FNDC1: variants seen among roughly 807,000 people sequenced by gnomAD.
FNDC1 encodes fibronectin type III domain containing 1.
In FNDC1, 96 loss-of-function variants were observed where a neutral mutation model predicts 168.0. The ratio of observed to expected loss-of-function variants is 0.57; its 90% confidence interval spans 0.48 to 0.68. The LOEUF (loss-of-function observed/expected upper bound fraction) is 0.68. FNDC1 is among the 30% of genes least tolerant of loss of function. The pLI is 0.00. For missense variants in FNDC1, 2,587 were observed against 2,482.1 expected, an observed-to-expected ratio of 1.04 and a Z score of -0.90; for synonymous variants, 1,099 against 1,025.9, an observed-to-expected ratio of 1.07 and a Z score of -1.36.
At chr6:159,219,129 C>T (rs1466984995) in intron 5 of FNDC1, among the ~76,000 whole-genome samples, 1 of 152,036 alleles carries the variant, frequency 6.6e-6, no homozygotes, top group Non-Finnish European at 1.5e-5. Context: ...CAACCTCCCC[C>T]TCCCGGGTTT....
chr6:159,176,225 C>T (rs898274268), intron 1 of FNDC1, among the ~76,000 whole-genome samples: 3 of 152,110 alleles, frequency 2.0e-5, no homozygotes, highest in Non-Finnish European at 4.4e-5. Flanking sequence ...TTGTGAAGGG[C>T]CCCCCAGCTC....
chr6:159,256,606 A>G lies in FNDC1; in HGVS notation c.5149A>G (p.Ile1717Val), dbSNP rs1448534928. The change falls in exon 18 of 23, where the codon ATT becomes GTT. Residue 1717 changes from isoleucine to valine, a missense_variant. By Grantham distance (29) the Ile-to-Val change is conservative. Coordinates refer to ENST00000297267, the MANE Select transcript of FNDC1 (RefSeq NM_032532.3). The part of the protein sequence containing the change: ...TQASSVTHLP[I>V]ENLKPNTRYY... The stretch of plus-strand genomic sequence containing the variant: ...AGCTTCATCAGTAACTCACTTGCCC[A>G]TTGAGAACCTAAAGCCCAACACGAG... The G allele has an allele frequency of 1.2e-6, 2 of 1,613,696 alleles. No homozygotes were observed. Among genetic ancestry groups the G allele is most frequent in the Non-Finnish European group, 1.7e-6 (2 of 1,179,610 alleles).
intron 1 of FNDC1, among the ~76,000 whole-genome samples, chr6:159,185,905 A>G (rs1185038905): frequency 5.9e-5 from 9 of 152,220 alleles, no homozygotes; most frequent in Non-Finnish European, 1.3e-4. Flanking sequence ...GCCAATCCAT[A>G]GTGTCTATGG....
intron 21 of FNDC1, among the ~76,000 whole-genome samples, 158 bp from the exon 22 acceptor site, chr6:159,267,646 G>T (rs1777617525): frequency 6.6e-6 from 1 of 151,970 alleles, no homozygotes; most frequent in South Asian, 2.1e-4. Context: ...TTATGAGATT[G>T]GTGCCATTAT....
At chr6:159,265,251 A>G (rs1777565526) in intron 20 of FNDC1, among the ~76,000 whole-genome samples, 1 of 152,242 alleles carries the variant, frequency 6.6e-6, no homozygotes, top group Non-Finnish European at 1.5e-5. Flanking sequence ...AGCCAGTCCT[A>G]TGAAACAGAT....
chr6:159,200,652 C>T lies in FNDC1; in HGVS notation c.460+71C>T, dbSNP rs150926989. The T allele has an allele frequency of 2.6e-5, 32 of 1,229,700 alleles. No individual in the cohort carries two copies. In the Admixed American group the frequency reaches 4.2e-4, roughly 16 times the overall value. The allele number at this position is 1,229,700 out of a possible 1,614,324, so 76.2% of individuals were successfully genotyped here. On this transcript the variant is annotated intron_variant, in intron 4 of 22. Transcript: ENST00000297267. ...TCGTCTCGCAAGAGAGTTGTGCTTC[C>T]GTCACACACATGTGCTCACAAACCT...
chr6:159,225,953 C>T (rs1269647461), intron 8 of FNDC1, among the ~76,000 whole-genome samples: 2 of 152,098 alleles, frequency 1.3e-5, no homozygotes, highest in African/African-American at 4.8e-5. Flanking sequence ...GCATGTTGTT[C>T]ATGTTGTTCT....
chr6:159,213,684 T>C (rs902709460), intron 4 of FNDC1, among the ~76,000 whole-genome samples: 1 of 143,624 alleles, frequency 7.0e-6, no homozygotes, highest in African/African-American at 2.8e-5. Context: ...TACTGGACTA[T>C]ACTTTTGGAC....
chr6:159,223,104 T>C (rs994009157), intron 6 of FNDC1, among the ~76,000 whole-genome samples: 1 of 149,022 alleles, frequency 6.7e-6, no homozygotes. Context: ...CACACCATTC[T>C]CCTGCCTCAG....
Position 159,239,832 on chromosome 6 carries a change from C to A in FNDC1, c.4496C>A (p.Thr1499Asn). ...GTCCGAACCACTACGCGGACAACCA[C>A]CACCACCACCCCCACACCCACCACT... ...TTVRTTTRTT[T>N]TTTPTPTTPI... Residue 1499 changes from threonine (T) to asparagine (N), a missense_variant, in exon 14 of 23, where the codon ACC becomes AAC. Coordinates refer to ENST00000297267, the MANE Select transcript of FNDC1 (RefSeq NM_032532.3). 6.5e-7 allele frequency: 1 copy of A among 1,545,076 alleles called. No individual in the cohort carries two copies. Among genetic ancestry groups the A allele is most frequent in the South Asian group, 1.2e-5 (1 of 83,792 alleles).
intron 6 of FNDC1, 35 bp downstream of exon 6, chr6:159,221,731 G>T: frequency 6.9e-7 from 1 of 1,459,116 alleles, no homozygotes; most frequent in Non-Finnish European, 9.6e-7. Flanking sequence ...TCAAACCATA[G>T]TCTGGTATGA....
intron 5 of FNDC1, among the ~76,000 whole-genome samples, chr6:159,220,246 T>C (rs1782793575): frequency 6.6e-6 from 1 of 152,216 alleles, no homozygotes; most frequent in African/African-American, 2.4e-5. Flanking sequence ...AAGTCTTCTT[T>C]CACGTTTAGC....
Position 159,249,037 on chromosome 6 carries a change from A to T in FNDC1, c.4691-2A>T. 6.3e-7 allele frequency: 1 copy of T among 1,593,780 alleles called. No individual in the cohort carries two copies. Among genetic ancestry groups the T allele is most frequent in the Non-Finnish European group, 8.5e-7 (1 of 1,169,956 alleles). ...AATTACAGAGCCTTCATATCATTTC[A>T]GATTATGAATTTGAGACGTCAAGGC... On this transcript the variant is annotated splice_acceptor_variant, in intron 15 of 22. Coordinates refer to ENST00000297267, the MANE Select transcript of FNDC1 (RefSeq NM_032532.3). LOFTEE classifies it high-confidence loss of function.
chr6:159,200,372 G>A (rs1400739833), intron 3 of FNDC1, 141 bp from the exon 4 acceptor site: 2 of 684,430 alleles, frequency 2.9e-6, no homozygotes, highest in East Asian at 2.7e-5. Flanking sequence ...AAGCTGAGGT[G>A]TCCAGTCACT....
At position 159,271,534 on chromosome 6, in the gene FNDC1, G is replaced by T; in HGVS notation, c.*92G>T. The T allele has an allele frequency of 4.4e-6, 4 of 903,670 alleles. No individual in the cohort carries two copies. The highest frequency in any genetic ancestry group is 7.1e-6 in the Non-Finnish European group (4 of 564,464). 56.0% of individuals were successfully genotyped at this position (903,670 alleles called of 1,614,324 possible). A position where few individuals can be genotyped will look rare whatever the true frequency, so the allele number is the denominator to read the frequency against. ...TGAGCAAAGACAGCCAGCGTGCTCA[G>T]CCCCGCTGCCCTAGGTGCCAGGAAG... On this transcript the variant is annotated 3_prime_UTR_variant, in exon 23 of 23. Transcript: ENST00000297267.
At chr6:159,223,039 A>G (rs1417278931) in intron 6 of FNDC1, among the ~76,000 whole-genome samples, 1 of 133,900 alleles carries the variant, frequency 7.5e-6, no homozygotes, top group Non-Finnish European at 1.6e-5. Context: ...TCTGTTGCCC[A>G]GGCTGGAGTG....
Position 159,251,483 on chromosome 6 carries a change from A to G in FNDC1, c.5016A>G (p.Ser1672=). 1.9e-6 allele frequency: 3 copies of G among 1,613,896 alleles called. No individual in the cohort carries two copies. Among genetic ancestry groups the G allele is most frequent in the African/African-American group, 1.3e-5 (1 of 75,024 alleles). The change falls in exon 17 of 23, where the codon TCA becomes TCG. Residue 1672 remains serine (S), a synonymous_variant. Transcript: ENST00000297267. The stretch of plus-strand genomic sequence containing the variant: ...TGGTGGCCGTGGAAGGTTGCCACTC[A>G]TTTGTCATTGTGGACTGGGACAAAG... ...ITVVAVEGCH[S]FVIVDWDKAT... is the part of the protein sequence containing the mutation.
intron 5 of FNDC1, 55 bp from the exon 6 acceptor site, chr6:159,221,541 ATG>A (rs781708817): frequency 3.9e-5 from 53 of 1,354,902 alleles, no homozygotes; most frequent in Admixed American, 3.5e-4. Flanking sequence ...GCCCCAGGGG[ATG>A]TGTGTTCCTG....
At position 159,232,606 on chromosome 6, in the gene FNDC1, G is replaced by A. The variant is rs751384493; in HGVS notation, c.2094G>A (p.Arg698=). ...HPGAKPASPA[R]RTPHSGAAEE... ...GCGCAAAGCCAGCCTCGCCGGCCCG[G>A]AGGACCCCCCATTCAGGGGCCGCAG... Residue 698 remains arginine (R), a synonymous_variant, in exon 11 of 23, where the codon CGG becomes CGA. Coordinates refer to ENST00000297267, the MANE Select transcript of FNDC1 (RefSeq NM_032532.3). This position sits in a 1 kb window ranked among gnomAD's most constrained non-coding sequence, Gnocchi z 4.9. The A allele has an allele frequency of 6.2e-7, 1 of 1,607,902 alleles. No individual in the cohort carries two copies. Among genetic ancestry groups the A allele is most frequent in the Non-Finnish European group, 8.5e-7 (1 of 1,176,150 alleles).
Sources: gnomAD v4.1 joint callset for allele counts (sites outside exome capture counted in the v4.1 genomes callset) on GRCh38, gnomAD v4.1.1 for gene constraint, Gnocchi (gnomAD v3.1) non-coding constraint, MANE v1.5 for transcripts, NCBI Gene and HGNC (gene_info 2026-07-23, HGNC 2026-07-21) for gene names.